Variants in MCC observed in about 807,000 individuals in gnomAD.
MCC encodes MCC regulator of Wnt signaling pathway.
Under a neutral mutation model 116.2 loss-of-function variants are expected in MCC, and 90 were observed. That is an observed-to-expected ratio of 0.77 (90% CI 0.65 to 0.92). The LOEUF is 0.92. Among genes scored for constraint, MCC ranks in the 40% least tolerant of loss-of-function variants. MCC has a pLI of 0.00. For missense variants in MCC, 1,516 were observed against 1,312.2 expected (o/e 1.16, Z -2.40); for synonymous variants, 578 against 510.5 (o/e 1.13, Z -1.78).
chr5:113,094,657 T>C (rs1225040887), intron 8 of MCC, among the ~76,000 whole-genome samples: 4 of 152,078 alleles, frequency 2.6e-5, no homozygotes, highest in Non-Finnish European at 5.9e-5. Context: ...CCTGACCTTG[T>C]GACCCACCCG....
At chr5:113,385,250 G>C (rs746030677) in intron 1 of MCC, 38 bp from the exon 2 acceptor site, 18 of 1,594,456 alleles carry the variant, frequency 1.1e-5, no homozygotes, top group Non-Finnish European at 1.4e-5. Flanking sequence ...TGTGTTATGA[G>C]TGACATTTAA....
chr5:113,427,049 T>G (rs1025342939), intron 1 of MCC, among the ~76,000 whole-genome samples: 5 of 152,192 alleles, frequency 3.3e-5, no homozygotes, highest in African/African-American at 9.7e-5. Context: ...ATATTTTTTC[T>G]ATCCCTATGT....
intron 2 of MCC, among the ~76,000 whole-genome samples, chr5:113,354,701 T>A (rs1245732651): frequency 2.6e-5 from 4 of 151,966 alleles, no homozygotes; most frequent in Middle Eastern, 3.4e-3. Context: ...TCCCAAATGC[T>A]GGGATTACAG....
At chr5:113,290,434 G>C (rs771737370) in intron 3 of MCC, among the ~76,000 whole-genome samples, 17 of 152,132 alleles carry the variant, frequency 1.1e-4, no homozygotes, top group Admixed American at 2.6e-4. Flanking sequence ...CATCTCCAGA[G>C]GTTATGATTG....
At chr5:113,481,200 G>A (rs1235830069) in intron 1 of MCC, among the ~76,000 whole-genome samples, 1 of 152,104 alleles carries the variant, frequency 6.6e-6, no homozygotes, top group Non-Finnish European at 1.5e-5. Flanking sequence ...ATGTACAAGA[G>A]TGCAATATGA....
chr5:113,406,410 T>C (rs1769835239), intron 1 of MCC, among the ~76,000 whole-genome samples: 1 of 152,092 alleles, frequency 6.6e-6, no homozygotes, highest in Admixed American at 6.6e-5. Context: ...CATTGGAGAG[T>C]TATCTAAAAT....
intron 15 of MCC, among the ~76,000 whole-genome samples, chr5:113,051,686 T>A (rs543917736): frequency 1.6e-4 from 24 of 152,258 alleles, no homozygotes; most frequent in Admixed American, 5.9e-4. Context: ...ACTGTGTCAC[T>A]GCACTCCAGC....
Position 113,385,160 on chromosome 5 carries a change from C to G in MCC, c.223G>C (p.Glu75Gln), listed in dbSNP as rs1434634256. ...TCTGCTCCCAACTGGTTCATGATCT[C>G]AGCCACAGACTCTTCCATATTCAGC... Reference protein sequence around the residue: ...RQLNMEESVAEIMNQLGADEN... With the variant: ...RQLNMEESVAQIMNQLGADEN... Residue 75 changes from glutamate to glutamine, a missense_variant, in exon 2 of 19, where the codon GAG becomes CAG. Coordinates refer to ENST00000408903, the MANE Select transcript of MCC (RefSeq NM_001085377.2). 3 of 1,614,192 alleles carry G rather than the reference C, an allele frequency of 1.9e-6. No individual in the cohort carries two copies. The highest frequency in any genetic ancestry group is 2.5e-6 in the Non-Finnish European group (3 of 1,180,038).
intron 2 of MCC, among the ~76,000 whole-genome samples, chr5:113,375,295 T>C (rs1247620645): frequency 6.6e-6 from 1 of 152,168 alleles, no homozygotes; most frequent in Non-Finnish European, 1.5e-5. Context: ...CTTTCTCATC[T>C]CCTATAGCAC....
intron 3 of MCC, among the ~76,000 whole-genome samples, chr5:113,243,596 T>C (rs1764460936): frequency 6.6e-6 from 1 of 152,270 alleles, no homozygotes; most frequent in Non-Finnish European, 1.5e-5. Context: ...AGTTTCATTC[T>C]GCCAAATGTT....
At chr5:113,060,249 G>A (rs1432706138) in intron 14 of MCC, among the ~76,000 whole-genome samples, 1 of 152,056 alleles carries the variant, frequency 6.6e-6, no homozygotes, top group Non-Finnish European at 1.5e-5. Flanking sequence ...CCGCCTCCTG[G>A]GTTCAAGCAA....
At chr5:113,261,878 G>A (rs1235586366) in intron 3 of MCC, among the ~76,000 whole-genome samples, 2 of 151,942 alleles carry the variant, frequency 1.3e-5, no homozygotes, top group South Asian at 4.2e-4. Flanking sequence ...ATTACTAAGT[G>A]TCCACATGAT....
intron 3 of MCC, among the ~76,000 whole-genome samples, chr5:113,301,290 A>C (rs1766855598): frequency 6.6e-6 from 1 of 152,078 alleles, no homozygotes; most frequent in African/African-American, 2.4e-5. Context: ...ACATGGAGAA[A>C]CCCCATCTCT....
intron 3 of MCC, among the ~76,000 whole-genome samples, chr5:113,309,702 G>A (rs1767090344): frequency 6.6e-6 from 1 of 152,154 alleles, no homozygotes; most frequent in Non-Finnish European, 1.5e-5. Flanking sequence ...GAATGCAGGT[G>A]TCTTATTTAT....
intron 3 of MCC, among the ~76,000 whole-genome samples, chr5:113,171,023 C>T (rs1561424339): frequency 6.6e-6 from 1 of 152,064 alleles, no homozygotes; most frequent in Admixed American, 6.6e-5. Context: ...TGAACCATTT[C>T]TGTTTGTCAA....
chr5:113,064,931 G>A (rs9326873), intron 13 of MCC, among the ~76,000 whole-genome samples: 11,360 of 152,206 alleles, frequency 0.075, 463 homozygotes, highest in Non-Finnish European at 0.084. Flanking sequence ...TGAGGTGGGA[G>A]GACTGCTTGA....
intron 14 of MCC, 131 bp downstream of exon 14, chr5:113,063,853 G>T (rs1753392239): frequency 3.2e-6 from 3 of 935,594 alleles, no homozygotes; most frequent in African/African-American, 1.7e-5. Flanking sequence ...GGAGCAGGCT[G>T]CATGCCAGAA....
At chr5:113,269,963 A>G (rs1765551229) in intron 3 of MCC, among the ~76,000 whole-genome samples, 2 of 152,222 alleles carry the variant, frequency 1.3e-5, no homozygotes, top group Admixed American at 1.3e-4. Flanking sequence ...CGGACATAAT[A>G]CAAGAAGCTT....
chr5:113,179,350 G>A (rs1761496302), intron 3 of MCC, among the ~76,000 whole-genome samples: 1 of 152,180 alleles, frequency 6.6e-6, no homozygotes, highest in South Asian at 2.1e-4. Context: ...CCTAGCACAG[G>A]GAACATTTGT....
Sources: allele counts gnomAD v4.1 joint callset (sites outside exome capture counted in the v4.1 genomes callset), GRCh38; gene constraint gnomAD v4.1.1; transcripts MANE v1.5; gene names NCBI Gene and HGNC (gene_info 2026-07-23, HGNC 2026-07-21).